Variants in BMAL1 observed in about 807,000 individuals in gnomAD.
BMAL1 encodes basic helix-loop-helix ARNT-like protein 1.
chr11:13,312,172 A>AT, the BMAL1 span, among the ~76,000 whole-genome samples: 1 of 152,208 alleles, frequency 6.6e-6, no homozygotes, highest in African/African-American at 2.4e-5. Context: ...GCTAAGTGCT[A>AT]TTGTGTATCA....
At chr11:13,358,302 A>T in the BMAL1 span, 1 of 1,096,110 alleles carries the variant, frequency 9.1e-7, no homozygotes, top group Non-Finnish European at 1.2e-6. Context: ...GTCTAATTTT[A>T]AACATTCTGC....
At chr11:13,348,836 G>C in the BMAL1 span, among the ~76,000 whole-genome samples, 3 of 152,312 alleles carry the variant, frequency 2.0e-5, no homozygotes, top group South Asian at 6.2e-4. Flanking sequence ...TGTATTCGCA[G>C]ATATTCATTT....
chr11:13,277,715 G>A, the BMAL1 span: 1 of 151,670 alleles, frequency 6.6e-6, no homozygotes, highest in Non-Finnish European at 1.5e-5. Flanking sequence ...CGGGGAAGGG[G>A]GGTTGGGCAC....
chr11:13,293,162 G>A, the BMAL1 span, among the ~76,000 whole-genome samples: 1 of 152,186 alleles, frequency 6.6e-6, no homozygotes, highest in Non-Finnish European at 1.5e-5. Context: ...CAGCCATCTA[G>A]AGGTCAGGGA....
the BMAL1 span, among the ~76,000 whole-genome samples, chr11:13,326,157 T>C: frequency 6.6e-6 from 1 of 150,772 alleles, no homozygotes; most frequent in Non-Finnish European, 1.5e-5. Context: ...TGAGCCGATA[T>C]CATGCCACCG....
the BMAL1 span, among the ~76,000 whole-genome samples, chr11:13,316,278 A>T: frequency 2.0e-5 from 3 of 152,132 alleles, no homozygotes; most frequent in Non-Finnish European, 4.4e-5. Flanking sequence ...GCCTGAGGTC[A>T]TTGCCTTAAG....
At chr11:13,361,338 G>T in the BMAL1 span, among the ~76,000 whole-genome samples, 2 of 152,252 alleles carry the variant, frequency 1.3e-5, no homozygotes, top group African/African-American at 2.4e-5. Context: ...TGAAGGGAAA[G>T]AAACTGGATT....
chr11:13,339,430 T>TCCACACACACACACACACAC, the BMAL1 span, among the ~76,000 whole-genome samples: 1 of 144,190 alleles, frequency 6.9e-6, no homozygotes, highest in Admixed American at 6.9e-5. Flanking sequence ...GCCCTGCTTT[T>TCCACACACACACACACACAC]ACACACACAC....
chr11:13,310,307 C>T, the BMAL1 span, among the ~76,000 whole-genome samples: 10 of 151,936 alleles, frequency 6.6e-5, no homozygotes, highest in African/African-American at 2.4e-4. Context: ...TGCAGCGGGC[C>T]TTATGGAGAG....
chr11:13,292,464 G>T, the BMAL1 span, among the ~76,000 whole-genome samples: 1 of 151,586 alleles, frequency 6.6e-6, no homozygotes, highest in Non-Finnish European at 1.5e-5. Context: ...GGAGAATGGC[G>T]TGAACCTGGG....
chr11:13,344,649 G>A, the BMAL1 span, among the ~76,000 whole-genome samples: 1 of 152,330 alleles, frequency 6.6e-6, no homozygotes, highest in African/African-American at 2.4e-5. Flanking sequence ...TTCTAAATCT[G>A]TCTGTTGCAA....
chr11:13,381,289 C>A, the BMAL1 span: 1 of 1,599,526 alleles, frequency 6.3e-7, no homozygotes, highest in Non-Finnish European at 8.6e-7. Flanking sequence ...AGCTAGAGAA[C>A]CTCTTGCCCA....
the BMAL1 span, among the ~76,000 whole-genome samples, chr11:13,302,145 G>C: frequency 6.6e-6 from 1 of 152,302 alleles, no homozygotes; most frequent in Non-Finnish European, 1.5e-5. Context: ...GAGCCGTGAA[G>C]GGCCACAGGA....
At chr11:13,366,563 C>A in the BMAL1 span, 1 of 1,101,670 alleles carries the variant, frequency 9.1e-7, no homozygotes, top group Non-Finnish European at 1.3e-6. Context: ...GTCTCATGCA[C>A]AAAAACACAA....
chr11:13,360,235 A>T, the BMAL1 span: 1 of 881,894 alleles, frequency 1.1e-6, no homozygotes, highest in Non-Finnish European at 1.8e-6. Flanking sequence ...TAAAATTTAA[A>T]TACCAGGTCA....
the BMAL1 span, chr11:13,356,867 T>C: frequency 6.2e-6 from 10 of 1,604,990 alleles, no homozygotes; most frequent in South Asian, 6.7e-5. Flanking sequence ...GCAGCACCCA[T>C]GTCCTCAACT....
chr11:13,371,325 A>G, the BMAL1 span, among the ~76,000 whole-genome samples: 1 of 151,438 alleles, frequency 6.6e-6, no homozygotes, highest in African/African-American at 2.5e-5. Context: ...CAACCACCCA[A>G]TCCAGAAAAG....
At chr11:13,375,583 CAAT>C in the BMAL1 span, 1 of 1,528,948 alleles carries the variant, frequency 6.5e-7, no homozygotes, top group Non-Finnish European at 8.8e-7. Context: ...GAGAAAACAA[CAAT>C]GTCCATGTTT....
the BMAL1 span, among the ~76,000 whole-genome samples, chr11:13,322,490 A>G: frequency 2.0e-5 from 3 of 152,200 alleles, no homozygotes; most frequent in South Asian, 6.2e-4. Flanking sequence ...TGCAGTGTGA[A>G]TCAGTTTGCA....
Sources: allele counts gnomAD v4.1 joint callset (sites outside exome capture counted in the v4.1 genomes callset), GRCh38; gene constraint gnomAD v4.1.1; transcripts MANE v1.5; gene names NCBI Gene and HGNC (gene_info 2026-07-23, HGNC 2026-07-21).